Variants in GLI3 observed in about 807,000 individuals in gnomAD.
GLI3 encodes transcription activator GLI3.
A neutral mutation model predicts 100.8 loss-of-function variants in GLI3; 20 were observed. The observed-to-expected ratio is 0.20, with a 90% confidence interval of 0.14 to 0.29. GLI3 has a LOEUF of 0.29. GLI3 is among the 10% of genes least tolerant of loss of function. The pLI is 1.00. For synonymous variants in GLI3, 938 were observed against 860.5 expected (o/e 1.09, Z -1.58); for missense variants, 2,040 against 2,128.5 (o/e 0.96, Z 0.82).
intron 2 of GLI3, among the ~76,000 whole-genome samples, chr7:42,162,931 G>T (rs193040487): frequency 1.3e-5 from 2 of 150,924 alleles, no homozygotes; most frequent in Non-Finnish European, 1.5e-5. Context: ...GAAGTCCTGG[G>T]GAGGAGTGGT....
At chr7:42,247,771 G>A (rs903899371) in intron 1 of GLI3, among the ~76,000 whole-genome samples, 1 of 152,222 alleles carries the variant, frequency 6.6e-6, no homozygotes, top group Non-Finnish European at 1.5e-5. Flanking sequence ...GAAGGTAGAT[G>A]TAGCATCTGG....
intron 9 of GLI3, 24 bp from the exon 10 acceptor site, chr7:42,023,632 G>A: frequency 6.3e-7 from 1 of 1,593,950 alleles, no homozygotes; most frequent in Non-Finnish European, 8.6e-7. Context: ...GTGGGGGGCA[G>A]GGAACAGAGA....
At chr7:42,049,943 A>T (rs1363594975) in intron 4 of GLI3, among the ~76,000 whole-genome samples, 4 of 152,210 alleles carry the variant, frequency 2.6e-5, no homozygotes, top group African/African-American at 9.6e-5. Context: ...GGAGGGGGAA[A>T]CACATTTTCT....
At chr7:42,140,765 T>C (rs1323154641) in intron 3 of GLI3, among the ~76,000 whole-genome samples, 15 of 152,078 alleles carry the variant, frequency 9.9e-5, no homozygotes, top group Admixed American at 7.9e-4. Flanking sequence ...GGATGGGAGA[T>C]TGCAGCTTCA....
At chr7:41,984,844 C>T (rs1458619414) in intron 10 of GLI3, among the ~76,000 whole-genome samples, 5 of 152,204 alleles carry the variant, frequency 3.3e-5, no homozygotes, top group Admixed American at 6.5e-5. Flanking sequence ...CTACAAGGTA[C>T]GACGCCAAGT....
At chr7:42,217,935 C>T (rs1379243635) in intron 2 of GLI3, among the ~76,000 whole-genome samples, 1 of 152,164 alleles carries the variant, frequency 6.6e-6, no homozygotes, top group Admixed American at 6.5e-5. Context: ...TATGATACGG[C>T]AGCCTGTGAA....
intron 7 of GLI3, among the ~76,000 whole-genome samples, chr7:42,032,813 C>T (rs1250035813): frequency 1.3e-5 from 2 of 151,972 alleles, no homozygotes; most frequent in South Asian, 2.1e-4. Context: ...GTCAAGAGGC[C>T]GTATCATCCA....
Position 42,165,534 on chromosome 7 carries a change from C to G in GLI3, c.125-17066G>C, listed in dbSNP as rs74583220. ...AAGAAGTAACAAATTAGTTTAATTT[C>G]ACTGATTGGGTCATGAAGACACAAC... is the stretch of plus-strand genomic sequence containing the variant. On this transcript the variant is annotated intron_variant, in intron 2 of 14. Transcript: ENST00000395925. Among the ~76,000 whole-genome samples the G allele has an allele frequency of 5.1e-3, 779 of 152,280 alleles. 1 individual carries two copies. The highest frequency in any genetic ancestry group is 9.4e-3 in the Non-Finnish European group (642 of 68,028).
At chr7:42,126,822 G>T (rs1321554079) in intron 3 of GLI3, among the ~76,000 whole-genome samples, 1 of 152,154 alleles carries the variant, frequency 6.6e-6, no homozygotes, top group Non-Finnish European at 1.5e-5. Context: ...TCTGGGCTTT[G>T]GTCTGGGTTC....
At chr7:42,218,442 T>C (rs1008887369) in intron 2 of GLI3, among the ~76,000 whole-genome samples, 17 of 151,444 alleles carry the variant, frequency 1.1e-4, no homozygotes, top group African/African-American at 4.1e-4. Flanking sequence ...TTGCGGTTTT[T>C]GTCATTACTT....
intron 4 of GLI3, among the ~76,000 whole-genome samples, chr7:42,073,587 A>C (rs997848941): frequency 6.6e-6 from 1 of 152,208 alleles, no homozygotes; most frequent in African/African-American, 2.4e-5. Flanking sequence ...TAAAAAGAGG[A>C]GCAATTTATA....
At position 41,966,695 on chromosome 7, in the gene GLI3, AC is replaced by A; in HGVS notation, c.2432-55del. On this transcript the variant is annotated intron_variant, in intron 14 of 14. Transcript: ENST00000395925. This position sits in a 1 kb window ranked among gnomAD's most constrained non-coding sequence, Gnocchi z 5.8. Reference sequence around the variant, plus strand: ...CGGAGATGAATTCCCTTCGAGCATGACTTACACCAGGCATGAGCAACCCTTT... The same window carrying A: ...CGGAGATGAATTCCCTTCGAGCATGATTACACCAGGCATGAGCAACCCTTT... The A allele has an allele frequency of 6.3e-7, 1 of 1,585,992 alleles. No homozygotes were observed. The highest frequency in any genetic ancestry group is 8.6e-7 in the Non-Finnish European group (1 of 1,157,092).
chr7:42,241,921 A>T (rs934293811), upstream of GLI3, among the ~76,000 whole-genome samples: 1 of 152,208 alleles, frequency 6.6e-6, no homozygotes, highest in Non-Finnish European at 1.5e-5. Flanking sequence ...CTCATCATTT[A>T]GGCAGCCTAG....
intron 3 of GLI3, among the ~76,000 whole-genome samples, chr7:42,117,512 C>T (rs1477514096): frequency 6.6e-6 from 1 of 152,196 alleles, no homozygotes; most frequent in African/African-American, 2.4e-5. Flanking sequence ...AATGACTGAG[C>T]ATTCCTAATG....
intron 6 of GLI3, 111 bp from the exon 7 acceptor site, chr7:42,040,350 C>T (rs146681142): frequency 4.6e-4 from 361 of 786,818 alleles, no homozygotes; most frequent in African/African-American, 8.0e-4. Context: ...TGGCAACTTG[C>T]GGTGACAAGC....
Position 42,156,530 on chromosome 7 carries a change from C to T in GLI3, c.125-8062G>A, listed in dbSNP as rs531569739. Reference sequence around the variant, plus strand: ...AAGAATGAAGAGTCTCTCTTTCTTACTTTGCACATACAGACCTGAGCAGTT... The same window carrying T: ...AAGAATGAAGAGTCTCTCTTTCTTATTTTGCACATACAGACCTGAGCAGTT... On this transcript the variant is annotated intron_variant, in intron 2 of 14. Transcript: ENST00000395925. 2.0e-5 allele frequency among the ~76,000 whole-genome samples: 3 copies of T among 152,336 alleles called. No individual in the cohort carries two copies. In the South Asian group the frequency reaches 6.2e-4, roughly 32 times the overall value.
At chr7:42,069,355 G>A (rs1010905982) in intron 4 of GLI3, among the ~76,000 whole-genome samples, 1 of 152,120 alleles carries the variant, frequency 6.6e-6, no homozygotes, top group South Asian at 2.1e-4. Context: ...GTGTATCGGC[G>A]GATCTGGATT....
Position 41,965,427 on chromosome 7 carries a change from G to T in GLI3, c.3646C>A (p.Leu1216Ile), listed in dbSNP as rs112234184. The change falls in exon 15 of 15, where the codon CTC becomes ATC. Residue 1216 changes from leucine to isoleucine, a missense_variant. Transcript: ENST00000395925. The stretch of plus-strand genomic sequence containing the variant: ...CCGTAGGGGTTGCTGTTCTCCCCGA[G>T]GGTCTGATAGCCCCCAGCAGGCCCG... ...RSGPAGGYQT[L>I]GENSNPYGGP... 1.6e-5 allele frequency: 26 copies of T among 1,607,618 alleles called. No individual in the cohort carries two copies. The highest frequency in any genetic ancestry group is 6.7e-5 in the Admixed American group (4 of 59,922).
chr7:42,113,403 T>C (rs1785766792), intron 3 of GLI3: 4 of 707,168 alleles, frequency 5.7e-6, no homozygotes, highest in Non-Finnish European at 7.9e-6. Flanking sequence ...CTGAAGGAGA[T>C]GAAGCCAAGG....
Sources: allele counts gnomAD v4.1 joint callset (sites outside exome capture counted in the v4.1 genomes callset), GRCh38; gene constraint gnomAD v4.1.1; non-coding constraint Gnocchi (gnomAD v3.1); transcripts MANE v1.5; gene names NCBI Gene and HGNC (gene_info 2026-07-23, HGNC 2026-07-21).